MYOC: variants seen among roughly 807,000 people sequenced by gnomAD.
MYOC encodes juvenile-onset open-angle glaucoma 1.
A neutral mutation model predicts 28.2 loss-of-function variants in MYOC; 29 were observed. The ratio of observed to expected loss-of-function variants is 1.03; its 90% CI spans 0.77 to 1.40. MYOC has a LOEUF of 1.40. MYOC is among the 40% of genes most tolerant of loss of function. MYOC has a pLI of 0.00. For missense variants in MYOC, 569 were observed against 620.6 expected (o/e 0.92, Z 0.88); for synonymous variants, 240 against 245.6 (o/e 0.98, Z 0.21).
chr1:171,645,209 G>C (rs987575327), intron 1 of MYOC, among the ~76,000 whole-genome samples: 8 of 152,156 alleles, frequency 5.3e-5, no homozygotes, highest in African/African-American at 1.9e-4. Context: ...CCCCAGCCAC[G>C]GACCCAGAGC....
chr1:171,641,771 G>A (rs1653080905), intron 1 of MYOC, among the ~76,000 whole-genome samples: 1 of 152,200 alleles, frequency 6.6e-6, no homozygotes, highest in African/African-American at 2.4e-5. Flanking sequence ...GGATTCTCAG[G>A]TGTTCAGGAC....
At chr1:171,641,756 G>A (rs577991305) in intron 1 of MYOC, among the ~76,000 whole-genome samples, 12 of 152,288 alleles carry the variant, frequency 7.9e-5, no homozygotes, top group African/African-American at 9.6e-5. Context: ...CTTGTTCCCC[G>A]CTCAGGATTC....
chr1:171,650,257 TG>T (rs1451082917), intron 1 of MYOC, among the ~76,000 whole-genome samples: 2 of 152,100 alleles, frequency 1.3e-5, no homozygotes, highest in African/African-American at 4.8e-5. Flanking sequence ...TTATTGAGAA[TG>T]TAACTTCATT....
intron 1 of MYOC, among the ~76,000 whole-genome samples, chr1:171,639,224 C>T (rs900500864): frequency 2.0e-5 from 3 of 152,288 alleles, no homozygotes; most frequent in East Asian, 1.9e-4. Flanking sequence ...GTGCTGATAA[C>T]AGTTGGGCCT....
intron 1 of MYOC, among the ~76,000 whole-genome samples, chr1:171,650,980 A>G (rs1282461228): frequency 6.6e-6 from 1 of 152,176 alleles, no homozygotes; most frequent in African/African-American, 2.4e-5. Context: ...CTGAACATTA[A>G]TACAGTAACA....
intron 1 of MYOC, among the ~76,000 whole-genome samples, chr1:171,650,295 A>C (rs1185665077): frequency 6.6e-6 from 1 of 152,184 alleles, no homozygotes; most frequent in Admixed American, 6.5e-5. Context: ...GTAATGCCTC[A>C]TCACACTTCT....
chr1:171,652,061 T>G lies in MYOC; in HGVS notation c.551A>C (p.Gln184Pro). The stretch of plus-strand genomic sequence containing the variant: ...AGCAGTGTCTCGGGTCTGGGGACAC[T>G]GGCCCCTTCTCAGCCTTGCTACCTC... ...SQEVARLRRG[Q>P]CPQTRDTARA... The change falls in exon 1 of 3, where the codon CAG (glutamine) becomes CCG (proline). Residue 184 changes from glutamine to proline, a missense_variant. Physicochemically the swap from Gln to Pro is moderately conservative, Grantham distance 76 (BLOSUM62 -1). Transcript: ENST00000037502. 1.9e-6 allele frequency: 3 copies of G among 1,614,224 alleles called. No individual in the cohort carries two copies. The highest frequency in any genetic ancestry group is 2.5e-6 in the Non-Finnish European group (3 of 1,180,036).
chr1:171,650,093 A>T (rs1653317183), intron 1 of MYOC, among the ~76,000 whole-genome samples: 1 of 152,172 alleles, frequency 6.6e-6, no homozygotes, highest in African/African-American at 2.4e-5. Context: ...AGCTGGAAAG[A>T]TCAAGAAAAA....
intron 1 of MYOC, among the ~76,000 whole-genome samples, chr1:171,648,996 T>A (rs1007001578): frequency 6.6e-6 from 1 of 151,294 alleles, no homozygotes; most frequent in African/African-American, 2.4e-5. Flanking sequence ...TAATTGTATT[T>A]TTTTTCTACT....
At chr1:171,650,522 C>T (rs1653329321) in intron 1 of MYOC, among the ~76,000 whole-genome samples, 3 of 152,192 alleles carry the variant, frequency 2.0e-5, no homozygotes, top group Non-Finnish European at 4.4e-5. Context: ...AAATTATTCA[C>T]AGCAGGAATT....
chr1:171,637,876 G>C (rs548741641), intron 2 of MYOC, among the ~76,000 whole-genome samples: 2 of 152,188 alleles, frequency 1.3e-5, no homozygotes, highest in African/African-American at 4.8e-5. Flanking sequence ...GCCTCCCAAA[G>C]TGCTGGGATT....
chr1:171,644,029 A>G (rs1370392209), intron 1 of MYOC, among the ~76,000 whole-genome samples: 1 of 150,250 alleles, frequency 6.7e-6, no homozygotes, highest in Non-Finnish European at 1.5e-5. Context: ...AGAGAGAAAT[A>G]CTGCATGCCA....
Position 171,636,180 on chromosome 1 carries a change from G to C in MYOC, c.1260C>G (p.Asn420Lys). 6.2e-7 allele frequency: 1 copy of C among 1,614,202 alleles called. No homozygotes were observed. Among genetic ancestry groups the C allele is most frequent in the East Asian group, 2.2e-5 (1 of 44,888 alleles). The change falls in exon 3 of 3, where the codon AAC becomes AAG. Residue 420 changes from asparagine to lysine, a missense_variant. Asn to Lys is a moderately conservative substitution (Grantham distance 94). Coordinates refer to ENST00000037502, the MANE Select transcript of MYOC (RefSeq NM_000261.2). ...NLELEQTWET[N>K]IRKQSVANAF... Reference sequence around the variant, plus strand: ...CATTGGCGACTGACTGCTTACGGATGTTTGTCTCCCAGGTTTGTTCGAGTT... The same window carrying C: ...CATTGGCGACTGACTGCTTACGGATCTTTGTCTCCCAGGTTTGTTCGAGTT...
Position 171,651,339 on chromosome 1 carries a change from C to A in MYOC, c.604+669G>T, listed in dbSNP as rs546070645. Among the ~76,000 whole-genome samples, 405 of 137,612 alleles carry A rather than the reference C, an allele frequency of 2.9e-3. 13 individuals are homozygous for A. The highest frequency in any genetic ancestry group is 0.018 in the South Asian group (77 of 4,296). 90.3% of individuals were successfully genotyped at this position (137,612 alleles called of 152,430 possible). A position where few individuals can be genotyped will look rare whatever the true frequency, so the allele number is the denominator to read the frequency against. ...GAAGACCTCCCCCAACACCTCACCC[C>A]CGCACCCCCCCCACACACACACAGA... On this transcript the variant is annotated intron_variant, in intron 1 of 2. Coordinates refer to ENST00000037502, the MANE Select transcript of MYOC (RefSeq NM_000261.2).
At chr1:171,636,827 C>A in intron 2 of MYOC, 118 bp from the exon 3 acceptor site, 1 of 1,154,508 alleles carries the variant, frequency 8.7e-7, no homozygotes, top group Non-Finnish European at 1.3e-6. Context: ...GGAGACAAAT[C>A]GTCTGGGTTT....
intron 1 of MYOC, among the ~76,000 whole-genome samples, chr1:171,650,970 C>T (rs903654206): frequency 2.0e-5 from 3 of 152,172 alleles, no homozygotes; most frequent in Non-Finnish European, 2.9e-5. Context: ...CACCAAGAAA[C>T]TGAACATTAA....
At chr1:171,638,847 A>T (rs1223953389) in intron 1 of MYOC, 125 bp from the exon 2 acceptor site, 9 of 1,084,870 alleles carry the variant, frequency 8.3e-6, no homozygotes, top group Non-Finnish European at 1.4e-6. Context: ...TAATCCCAGC[A>T]CTTTGGGAGG....
At chr1:171,636,849 C>G (rs1339667489) in intron 2 of MYOC, 140 bp from the exon 3 acceptor site, 4 of 877,186 alleles carry the variant, frequency 4.6e-6, no homozygotes, top group Non-Finnish European at 7.4e-6. Context: ...AAGCTAGGCT[C>G]TACCACCCGC....
At chr1:171,648,664 A>G (rs924095426) in intron 1 of MYOC, among the ~76,000 whole-genome samples, 1 of 147,866 alleles carries the variant, frequency 6.8e-6, no homozygotes, top group Admixed American at 6.8e-5. Flanking sequence ...ATATATAATT[A>G]TATATATTTA....
Sources: gnomAD v4.1 joint callset for allele counts (sites outside exome capture counted in the v4.1 genomes callset) on GRCh38, gnomAD v4.1.1 for gene constraint, MANE v1.5 for transcripts, NCBI Gene and HGNC (gene_info 2026-07-23, HGNC 2026-07-21) for gene names.